SPTB: variants seen among roughly 807,000 people sequenced by gnomAD.
SPTB encodes spectrin beta chain, erythrocytic.
SPTB carries 45 observed loss-of-function variants against 256.2 expected under a neutral mutation model. That is an observed-to-expected ratio of 0.18 (90% CI 0.14 to 0.23). The LOEUF (loss-of-function observed/expected upper bound fraction) is 0.23, where lower values mean the gene tolerates loss of function less well. Ranked by LOEUF, SPTB falls within the 10% of genes least tolerant of loss-of-function variation. The pLI, the probability that SPTB is intolerant of heterozygous loss-of-function variation, is 1.00. For synonymous variants in SPTB, 1,231 were observed against 1,243.1 expected, an observed-to-expected ratio of 0.99 and a Z score of 0.21; for missense variants, 2,715 against 3,040.4, an observed-to-expected ratio of 0.89 and a Z score of 2.52.
Position 64,753,772 on chromosome 14 carries a change from G to A in SPTB, c.6367C>T (p.Pro2123Ser), listed in dbSNP as rs1276660686. The A allele has an allele frequency of 1.9e-6, 3 of 1,613,366 alleles. No homozygotes were observed. The highest frequency in any genetic ancestry group is 8.5e-7 in the Non-Finnish European group (1 of 1,180,012). The change falls in exon 33 of 36, where the codon CCT becomes TCT. Residue 2123 changes from proline (P) to serine (S), a missense_variant. Physicochemically the swap from Pro to Ser is moderately conservative, Grantham distance 74. Coordinates refer to ENST00000644917, the MANE Select transcript of SPTB (RefSeq NM_001355436.2). ...TSPGEEEGTW[P>S]QNLQQPPPPG... ...GGTGGTGGCTGCTGCAGGTTCTGAG[G>A]CCACGTTCCCTCTTCTTCCCCCTGC...
chr14:64,782,337 G>T lies in SPTB; in HGVS notation c.4219C>A (p.Pro1407Thr), dbSNP rs1159711774. Residue 1407 changes from proline (P) to threonine (T), a missense_variant, in exon 20 of 36, where the codon CCG becomes ACG. Coordinates refer to ENST00000644917, the MANE Select transcript of SPTB (RefSeq NM_001355436.2). ...AMEDQLRSDD[P>T]GKDLTSVNRM... ...TTGACACTGGTCAGGTCCTTGCCCG[G>T]GTCGTCTGACCGCAGCTGGTCCTCC... The T allele has an allele frequency of 6.2e-7, 1 of 1,614,078 alleles. No homozygotes were observed. The highest frequency in any genetic ancestry group is 8.5e-7 in the Non-Finnish European group (1 of 1,180,056).
At chr14:64,789,178 T>A (rs748137257) in intron 15 of SPTB, among the ~76,000 whole-genome samples, 10 of 151,932 alleles carry the variant, frequency 6.6e-5, no homozygotes, top group Non-Finnish European at 1.5e-4. Flanking sequence ...TAGTGAGACC[T>A]CATCTCTACA....
intron 2 of SPTB, among the ~76,000 whole-genome samples, chr14:64,808,953 C>A (rs964257381): frequency 2.0e-5 from 3 of 151,804 alleles, no homozygotes; most frequent in Non-Finnish European, 4.4e-5. Flanking sequence ...TGAGTCCAAG[C>A]AGACAGGCAT....
In SPTB at chr14:64,777,658, G is replaced by T. The variant is rs1224031213; in HGVS notation, c.4563+1499C>A. Among the ~76,000 whole-genome samples, 3 of 152,228 alleles carry T rather than the reference G, an allele frequency of 2.0e-5. No homozygotes were observed. The highest frequency in any genetic ancestry group is 1.3e-4 in the Admixed American group (2 of 15,284). On this transcript the variant is annotated intron_variant, in intron 22 of 35. Coordinates refer to ENST00000644917, the MANE Select transcript of SPTB (RefSeq NM_001355436.2). The surrounding 1 kb of genome is among the most constrained non-coding windows in gnomAD (Gnocchi z 4.5). Reference sequence around the variant, plus strand: ...CCAGAGCTTGATGCAGTAGGGATCTGGGGGTGGCACCTGGTTAAGTCGTGT... The same window carrying T: ...CCAGAGCTTGATGCAGTAGGGATCTTGGGGTGGCACCTGGTTAAGTCGTGT...
rs756672281 is a variant in SPTB at position 64,773,395 on chromosome 14, A to G, written c.5003T>C (p.Val1668Ala). 1.2e-6 allele frequency: 2 copies of G among 1,613,998 alleles called. No individual in the cohort carries two copies. Among genetic ancestry groups the G allele is most frequent in the African/African-American group, 2.7e-5 (2 of 74,914 alleles). ...CTTCAGCCCTGCGTAGTGCTTGTCC[A>G]CTTGCCCCTGAAGTCTGATGATCTG... The part of the protein sequence containing the change: ...GEQIIRLQGQ[V>A]DKHYAGLKDV... The change falls in exon 25 of 36, where the codon GTG becomes GCG. Residue 1668 changes from valine (V) to alanine (A), a missense_variant. Val to Ala is a moderately conservative substitution (Grantham distance 64, BLOSUM62 0). Transcript: ENST00000644917.
chr14:64,851,741 T>C (rs2083790518), intron 1 of SPTB, among the ~76,000 whole-genome samples: 2 of 152,072 alleles, frequency 1.3e-5, no homozygotes, highest in South Asian at 4.1e-4. Flanking sequence ...GGAGCCACTA[T>C]CCTCAGCAAA....
chr14:64,766,277 CATGT>C (rs1038083909), intron 32 of SPTB: 7 of 583,564 alleles, frequency 1.2e-5, no homozygotes, highest in Non-Finnish European at 1.7e-5. Context: ...TGTGTGCATG[CATGT>C]GTGTGTGGGC....
At position 64,752,175 on chromosome 14, in the gene SPTB, G is replaced by A. The variant is rs758785559; in HGVS notation, c.6602+1362C>T. On this transcript the variant is annotated intron_variant, in intron 33 of 35. Coordinates refer to ENST00000644917, the MANE Select transcript of SPTB (RefSeq NM_001355436.2). ...GCATGTTTGGTGAGGGAATCAAACTGATAACAGGTGGGCTAGCCCGAGCCG... is the reference window on the plus strand; with the variant it reads ...GCATGTTTGGTGAGGGAATCAAACTAATAACAGGTGGGCTAGCCCGAGCCG... The A allele has an allele frequency of 6.7e-6, 9 of 1,341,532 alleles. No homozygotes were observed. The Admixed American group carries it at 1.8e-4, about 26-fold the overall frequency. The allele number at this position is 1,341,532 out of a possible 1,614,324, so 83.1% of individuals were successfully genotyped here. A position where few individuals can be genotyped will look rare whatever the true frequency, so the allele number is the denominator to read the frequency against.
chr14:64,854,960 C>G lies in SPTB; in HGVS notation c.-52+24832G>C, dbSNP rs1486906229. On this transcript the variant is annotated intron_variant, in intron 1 of 35. Coordinates refer to ENST00000644917, the MANE Select transcript of SPTB (RefSeq NM_001355436.2). Reference sequence around the variant, plus strand: ...CCAATGGGCCAGGCTCCATGATCACCCCTTTCAGGAAGTGGCGCCTGAATG... The same window carrying G: ...CCAATGGGCCAGGCTCCATGATCACGCCTTTCAGGAAGTGGCGCCTGAATG... 3.3e-5 allele frequency among the ~76,000 whole-genome samples: 5 copies of G among 152,306 alleles called. No homozygotes were observed. In the East Asian group the frequency reaches 9.7e-4, roughly 29 times the overall value.
chr14:64,878,734 C>T (rs1882952639), intron 1 of SPTB, among the ~76,000 whole-genome samples: 1 of 152,178 alleles, frequency 6.6e-6, no homozygotes, highest in Admixed American at 6.5e-5. Context: ...CCTAGTCTCT[C>T]CCCACAGAAA....
chr14:64,836,577 C>T (rs2083526438), intron 1 of SPTB, among the ~76,000 whole-genome samples: 1 of 152,020 alleles, frequency 6.6e-6, no homozygotes, highest in South Asian at 2.1e-4. Context: ...CCTCTTTCTC[C>T]TTTGTCCCTG....
chr14:64,809,615 G>A (rs1004438413), intron 2 of SPTB, among the ~76,000 whole-genome samples: 1 of 152,154 alleles, frequency 6.6e-6, no homozygotes, highest in African/African-American at 2.4e-5. Context: ...AAAGTGCTAG[G>A]ATTACAGGGG....
At position 64,779,587 on chromosome 14, in the gene SPTB, C is replaced by G; in HGVS notation, c.4473+138G>C. ...CTTGAGCTTTCCATTTAATGTAATC[C>G]TCACAAGAACCCTATGAGATAAGGG... On this transcript the variant is annotated intron_variant, in intron 21 of 35. Transcript: ENST00000644917. This position sits in a 1 kb window ranked among gnomAD's most constrained non-coding sequence, Gnocchi z 4.2. 1 of 903,314 alleles carries G rather than the reference C, an allele frequency of 1.1e-6. No individual in the cohort carries two copies. Among genetic ancestry groups the G allele is most frequent in the Non-Finnish European group, 1.8e-6 (1 of 546,238 alleles). 56.0% of individuals were successfully genotyped at this position (903,314 alleles called of 1,614,324 possible).
At chr14:64,821,913 C>G (rs2083293753) in intron 2 of SPTB, among the ~76,000 whole-genome samples, 1 of 152,060 alleles carries the variant, frequency 6.6e-6, no homozygotes, top group Admixed American at 6.6e-5. Flanking sequence ...CAAGGTCTGC[C>G]AGGGACTGTG....
At position 64,847,675 on chromosome 14, in the gene SPTB, G is replaced by A. The variant is rs2083714291; in HGVS notation, c.-51-24530C>T. 6.6e-6 allele frequency among the ~76,000 whole-genome samples: 1 copy of A among 152,170 alleles called. No individual in the cohort carries two copies. Among genetic ancestry groups the A allele is most frequent in the South Asian group, 2.1e-4 (1 of 4,822 alleles). On this transcript the variant is annotated intron_variant, in intron 1 of 35. Coordinates refer to ENST00000644917, the MANE Select transcript of SPTB (RefSeq NM_001355436.2). This position sits in a 1 kb window ranked among gnomAD's most constrained non-coding sequence, Gnocchi z 5.9. Reference sequence around the variant, plus strand: ...CCATGAGACACCAGCCAGCTGGTGGGAAGTGCTGACCTGTTATATTCCCTT... The same window carrying A: ...CCATGAGACACCAGCCAGCTGGTGGAAAGTGCTGACCTGTTATATTCCCTT...
At chr14:64,849,237 T>C (rs1264876531) in intron 1 of SPTB, among the ~76,000 whole-genome samples, 4 of 152,104 alleles carry the variant, frequency 2.6e-5, no homozygotes, top group African/African-American at 9.7e-5. Context: ...AAAACACATA[T>C]CCTCAATTGG....
rs1481060602 is a variant in SPTB, at chr14:64,852,431, A to T, written c.-52+27361T>A. Among the ~76,000 whole-genome samples the T allele has an allele frequency of 6.6e-6, 1 of 152,182 alleles. No homozygotes were observed. The highest frequency in any genetic ancestry group is 1.9e-4 in the East Asian group (1 of 5,202). On this transcript the variant is annotated intron_variant, in intron 1 of 35. Coordinates refer to ENST00000644917, the MANE Select transcript of SPTB (RefSeq NM_001355436.2). This position sits in a 1 kb window ranked among gnomAD's most constrained non-coding sequence, Gnocchi z 4.2. ...AGTGAAGGGTGCTAAATGGAACAGC[A>T]TGGCTAGGCTTGCCTTCTAGAAAGA...
rs1221133082 is a variant in SPTB, at chr14:64,845,692, TATC to T, written c.-51-22550_-51-22548del. Among the ~76,000 whole-genome samples, 1 of 152,218 alleles carries T rather than the reference TATC, an allele frequency of 6.6e-6. No homozygotes were observed. Among genetic ancestry groups the T allele is most frequent in the Non-Finnish European group, 1.5e-5 (1 of 68,038 alleles). On this transcript the variant is annotated intron_variant, in intron 1 of 35. Transcript: ENST00000644917. The surrounding 1 kb of genome is among the most constrained non-coding windows in gnomAD (Gnocchi z 4.8). ...ATTCCAGCCTTTGACAATAGGAAAT[TATC>T]ATGTTTTAGGGATTAGAAGTTTCCC...
At position 64,769,126 on chromosome 14, in the gene SPTB, G is replaced by A; in HGVS notation, c.5938-8C>T. 6.2e-7 allele frequency: 1 copy of A among 1,613,110 alleles called. No individual in the cohort carries two copies. Among genetic ancestry groups the A allele is most frequent in the South Asian group, 1.1e-5 (1 of 91,070 alleles). ...CTGCAGTTTCTCGCGGATCTATGGG[G>A]AGGAAAGGGAGAAAAGCTCAGGCTT... On this transcript the variant is annotated splice_polypyrimidine_tract_variant and splice_region_variant and intron_variant, in intron 28 of 35. Coordinates refer to ENST00000644917, the MANE Select transcript of SPTB (RefSeq NM_001355436.2).
Sources: allele counts gnomAD v4.1 joint callset (sites outside exome capture counted in the v4.1 genomes callset), GRCh38; gene constraint gnomAD v4.1.1; non-coding constraint Gnocchi (gnomAD v3.1); transcripts MANE v1.5; gene names NCBI Gene and HGNC (gene_info 2026-07-23, HGNC 2026-07-21).